WNT7A: variants seen among roughly 807,000 people sequenced by gnomAD.
WNT7A encodes the protein Wnt family member 7A, also known as protein Wnt-7a.
In WNT7A, 16 loss-of-function variants were observed where a neutral mutation model predicts 28.2. The ratio of observed to expected loss-of-function variants is 0.57; its 90% CI spans 0.38 to 0.86. WNT7A has a LOEUF of 0.86. WNT7A is among the 40% of genes least tolerant of loss of function. WNT7A has a pLI of 0.00. For missense variants in WNT7A, 411 were observed against 489.7 expected, an observed-to-expected ratio of 0.84 and a Z score of 1.52; for synonymous variants, 190 against 195.9, an observed-to-expected ratio of 0.97 and a Z score of 0.25.
At chr3:13,864,007 C>T (rs1694872960) in intron 2 of WNT7A, 1 of 152,162 alleles carries the variant, frequency 6.6e-6, no homozygotes, top group Admixed American at 6.5e-5. Flanking sequence ...AGATTGTAGA[C>T]AGAGGAGGGT....
chr3:13,841,376 A>G (rs2124845504), intron 3 of WNT7A, among the ~76,000 whole-genome samples: 1 of 152,344 alleles, frequency 6.6e-6, no homozygotes, highest in Non-Finnish European at 1.5e-5. Flanking sequence ...AAAAGAGAGG[A>G]AGTAGAGCAA....
chr3:13,870,768 C>G (rs1695015790), intron 2 of WNT7A, among the ~76,000 whole-genome samples: 1 of 152,364 alleles, frequency 6.6e-6, no homozygotes, highest in East Asian at 1.9e-4. Context: ...GGCCGTCCCG[C>G]TGCCCCAAGA....
rs773403760 is a variant in WNT7A, at chr3:13,879,777, G to A, written c.40C>T (p.Leu14Phe). The A allele has an allele frequency of 1.2e-6, 2 of 1,612,698 alleles. No homozygotes were observed. The highest frequency in any genetic ancestry group is 1.1e-5 in the South Asian group (1 of 90,914). The change falls in exon 1 of 4, where the codon CTC (leucine) becomes TTC (phenylalanine). Residue 14 changes from leucine to phenylalanine, a missense_variant. By Grantham distance (22) the Leu-to-Phe change is conservative. Coordinates refer to ENST00000285018, the MANE Select transcript of WNT7A (RefSeq NM_004625.4). ...CGGAGGTAGACCATGCCCAGGCTGA[G>A]AAAGAGGTGGCCCAGGCAGCGCCGC... Reference protein sequence around the residue: ...KARRCLGHLFLSLGMVYLRIG... With the variant: ...KARRCLGHLFFSLGMVYLRIG...
intron 2 of WNT7A, among the ~76,000 whole-genome samples, chr3:13,868,832 G>A (rs1472371966): frequency 3.0e-5 from 2 of 66,862 alleles, no homozygotes; most frequent in Middle Eastern, 8.3e-3. Flanking sequence ...GAGAAAGAGA[G>A]AAAGAGAGAG....
chr3:13,835,386 G>T (rs78395721), intron 3 of WNT7A, among the ~76,000 whole-genome samples: 3,669 of 152,296 alleles, frequency 0.024, 55 homozygotes, highest in East Asian at 0.074. Context: ...AGGACCACCC[G>T]CCTGGCCAGC....
rs573263578 is a variant in WNT7A at position 13,818,705 on chromosome 3, C to T, written c.*239G>A. The T allele has an allele frequency of 4.4e-6, 2 of 454,948 alleles. No homozygotes were observed. Among genetic ancestry groups the T allele is most frequent in the Non-Finnish European group, 7.3e-6 (2 of 274,584 alleles). The allele number at this position is 454,948 out of a possible 1,614,324, so 28.2% of individuals were successfully genotyped here. A position where few individuals can be genotyped will look rare whatever the true frequency, so the allele number is the denominator to read the frequency against. ...CTGCTGCAGAAGGCTTCGCTCCAGCCGCGGAGGGACCTGGGCTGTGTCTGG... is the reference window on the plus strand; with the variant it reads ...CTGCTGCAGAAGGCTTCGCTCCAGCTGCGGAGGGACCTGGGCTGTGTCTGG... On this transcript the variant is annotated 3_prime_UTR_variant, in exon 4 of 4. Transcript: ENST00000285018.
At chr3:13,861,033 G>A (rs576768029) in intron 2 of WNT7A, among the ~76,000 whole-genome samples, 1 of 152,324 alleles carries the variant, frequency 6.6e-6, no homozygotes, top group South Asian at 2.1e-4. Flanking sequence ...TACAGATGCA[G>A]AAACTGAGGC....
chr3:13,847,289 C>A (rs1694552507), intron 3 of WNT7A, among the ~76,000 whole-genome samples: 1 of 152,198 alleles, frequency 6.6e-6, no homozygotes, highest in African/African-American at 2.4e-5. Flanking sequence ...TCAAGCCCAC[C>A]ATGGACCTCC....
At chr3:13,878,769 T>C (rs910654128) in intron 1 of WNT7A, among the ~76,000 whole-genome samples, 6 of 152,098 alleles carry the variant, frequency 3.9e-5, no homozygotes, top group African/African-American at 1.4e-4. Context: ...GTGTGAGACC[T>C]ACCAAGCGGG....
intron 2 of WNT7A, among the ~76,000 whole-genome samples, chr3:13,864,467 G>T (rs543307748): frequency 6.6e-6 from 1 of 152,062 alleles, no homozygotes; most frequent in Non-Finnish European, 1.5e-5. Context: ...GGTTGTGGAC[G>T]GCCCCTACTT....
intron 3 of WNT7A, among the ~76,000 whole-genome samples, chr3:13,854,183 A>C (rs896166861): frequency 4.6e-5 from 7 of 151,046 alleles, no homozygotes; most frequent in Non-Finnish European, 1.0e-4. Context: ...GGAAGGAGGG[A>C]GGGAGGGAGA....
rs3749319 is a variant in WNT7A at position 13,874,910 on chromosome 3, G to T, written c.298+37C>A. ...AGGGTATTCTGGTGTCCCTAGAGCCGGTAAGACTCTGCGGGGGTGTTTGGG... is the reference window on the plus strand; with the variant it reads ...AGGGTATTCTGGTGTCCCTAGAGCCTGTAAGACTCTGCGGGGGTGTTTGGG... On this transcript the variant is annotated intron_variant, in intron 2 of 3. Coordinates refer to ENST00000285018, the MANE Select transcript of WNT7A (RefSeq NM_004625.4). 0.56 allele frequency: 892,275 copies of T among 1,604,402 alleles called. 251,900 individuals are homozygous for T. Among genetic ancestry groups the T allele is most frequent in the East Asian group, 0.74 (33,037 of 44,706 alleles).
At chr3:13,866,384 C>T (rs2124871260) in intron 2 of WNT7A, among the ~76,000 whole-genome samples, 1 of 152,346 alleles carries the variant, frequency 6.6e-6, no homozygotes, top group Non-Finnish European at 1.5e-5. Context: ...GTGCCATTAT[C>T]ACTCCCGTTT....
Position 13,846,779 on chromosome 3 carries a change from G to C in WNT7A, c.570+7753C>G, listed in dbSNP as rs184162270. On this transcript the variant is annotated intron_variant, in intron 3 of 3. Transcript: ENST00000285018. ...CCACCCCCAGTCCTCAGGGACTGCA[G>C]GATGGTGACACCTTCCTGAGGCTGC... Among the ~76,000 whole-genome samples the C allele has an allele frequency of 1.1e-3, 173 of 152,198 alleles. 1 individual carries two copies. Among genetic ancestry groups the C allele is most frequent in the Admixed American group, 3.9e-3 (60 of 15,284 alleles).
intron 2 of WNT7A, among the ~76,000 whole-genome samples, chr3:13,871,107 A>G (rs1695020390): frequency 6.6e-6 from 1 of 152,236 alleles, no homozygotes; most frequent in Non-Finnish European, 1.5e-5. Context: ...CCTTGCAGCT[A>G]GATGTGGCCA....
At position 13,879,822 on chromosome 3, in the gene WNT7A, C is replaced by A. The variant is rs757984346; in HGVS notation, c.-6G>T. ...CGCCGCGCTTTCCGGTTCATAGTCCCGATTGGCCGCCGGGGCCGCGGGCCG... is the reference window on the plus strand; with the variant it reads ...CGCCGCGCTTTCCGGTTCATAGTCCAGATTGGCCGCCGGGGCCGCGGGCCG... On this transcript the variant is annotated 5_prime_UTR_variant, in exon 1 of 4. Transcript: ENST00000285018. 8 of 1,609,240 alleles carry A rather than the reference C, an allele frequency of 5.0e-6. No individual in the cohort carries two copies. In the East Asian group the frequency reaches 1.8e-4, roughly 36 times the overall value.
In WNT7A at chr3:13,879,808, C is replaced by G. The variant is rs756524070; in HGVS notation, c.9G>C (p.Arg3=). The G allele has an allele frequency of 5.0e-6, 8 of 1,612,086 alleles. No individual in the cohort carries two copies. The East Asian group carries it at 1.6e-4, about 31-fold the overall frequency. MN[R]KARRCLGHLF... is the part of the protein sequence containing the mutation. Reference sequence around the variant, plus strand: ...GGTGGCCCAGGCAGCGCCGCGCTTTCCGGTTCATAGTCCCGATTGGCCGCC... The same window carrying G: ...GGTGGCCCAGGCAGCGCCGCGCTTTGCGGTTCATAGTCCCGATTGGCCGCC... Residue 3 remains arginine (R), a synonymous_variant, in exon 1 of 4, where the codon CGG becomes CGC. Coordinates refer to ENST00000285018, the MANE Select transcript of WNT7A (RefSeq NM_004625.4).
At chr3:13,840,892 T>C (rs1374687262) in intron 3 of WNT7A, among the ~76,000 whole-genome samples, 1 of 152,182 alleles carries the variant, frequency 6.6e-6, no homozygotes, top group South Asian at 2.1e-4. Context: ...CCCAAATGGT[T>C]AGAGCTCCTA....
At chr3:13,866,684 G>C (rs1335384297) in intron 2 of WNT7A, among the ~76,000 whole-genome samples, 3 of 152,180 alleles carry the variant, frequency 2.0e-5, no homozygotes, top group African/African-American at 7.2e-5. Flanking sequence ...GAAAGGCCCT[G>C]AGGTGGGAGG....
Sources: allele counts gnomAD v4.1 joint callset (sites outside exome capture counted in the v4.1 genomes callset), GRCh38; gene constraint gnomAD v4.1.1; transcripts MANE v1.5; gene names NCBI Gene and HGNC (gene_info 2026-07-23, HGNC 2026-07-21).